The following SNTG2 variants were observed in gnomAD, a reference collection of about 807,000 sequenced individuals.
SNTG2 encodes gamma-2-syntrophin.
In SNTG2, 74 loss-of-function variants were observed where a neutral mutation model predicts 70.9. That is an observed-to-expected ratio of 1.04 (90% CI 0.86 to 1.27). The LOEUF (loss-of-function observed/expected upper bound fraction) is 1.27, where lower values mean the gene tolerates loss of function less well. Among genes scored for constraint, SNTG2 ranks in the 50% most tolerant of loss-of-function variants. The pLI is 0.00. For missense variants in SNTG2, 717 were observed against 690.7 expected, an observed-to-expected ratio of 1.04 and a Z score of -0.43; for synonymous variants, 278 against 273.8, an observed-to-expected ratio of 1.02 and a Z score of -0.15.
intron 4 of SNTG2, among the ~76,000 whole-genome samples, chr2:1,128,472 TAATG>T (rs1445756724): frequency 1.6e-4 from 25 of 152,210 alleles, no homozygotes; most frequent in African/African-American, 5.8e-4. Context: ...CTTTGCAACA[TAATG>T]AATATCTGCC....
At chr2:1,219,689 G>GGGAGGGGAGT in intron 9 of SNTG2, among the ~76,000 whole-genome samples, 1 of 150,950 alleles carries the variant, frequency 6.6e-6, no homozygotes, top group East Asian at 1.9e-4. Flanking sequence ...AGAAAGGGAA[G>GGGAGGGGAGT]GGAGGGGAGT....
intron 14 of SNTG2, among the ~76,000 whole-genome samples, chr2:1,269,842 G>A (rs1678927462): frequency 6.6e-6 from 1 of 152,172 alleles, no homozygotes; most frequent in African/African-American, 2.4e-5. Context: ...CAATGAGGGT[G>A]TTAACAAGCC....
intron 14 of SNTG2, among the ~76,000 whole-genome samples, chr2:1,304,393 G>A (rs74410063): frequency 0.011 from 1,704 of 152,240 alleles, 40 homozygotes; most frequent in African/African-American, 0.039. Flanking sequence ...TGAGTAGCAC[G>A]GCTGTGGCAT....
intron 1 of SNTG2, among the ~76,000 whole-genome samples, chr2:1,050,563 A>C (rs1661999040): frequency 6.6e-6 from 1 of 152,116 alleles, no homozygotes; most frequent in African/African-American, 2.4e-5. Context: ...GAATTGCTCT[A>C]AGTTTATAAT....
intron 1 of SNTG2, among the ~76,000 whole-genome samples, chr2:1,027,381 G>T (rs1367591057): frequency 6.6e-6 from 1 of 151,576 alleles, no homozygotes; most frequent in Non-Finnish European, 1.5e-5. Context: ...ACACTACCCA[G>T]CAAGTAACTC....
chr2:1,354,254 T>C lies in SNTG2; in HGVS notation c.1489-13089T>C. On this transcript the variant is annotated intron_variant, in intron 16 of 16. Coordinates refer to ENST00000308624, the MANE Select transcript of SNTG2 (RefSeq NM_018968.4). ...GAACGCCGGGCTGGAGCTCAGGGAC[T>C]GGGTGTTCCGTGGCAGAGCGGCTGC... 2.0e-5 allele frequency among the ~76,000 whole-genome samples: 3 copies of C among 149,446 alleles called. 1 individual carries two copies. The highest frequency in any genetic ancestry group is 3.0e-5 in the Non-Finnish European group (2 of 67,554).
intron 1 of SNTG2, among the ~76,000 whole-genome samples, chr2:1,072,343 CTTTTTCT>C (rs1663625732): frequency 1.3e-4 from 3 of 23,498 alleles, no homozygotes; most frequent in East Asian, 1.7e-3. Context: ...TTTTCTTTTT[CTTTTTCT>C]TTTTTTTTTT....
chr2:1,163,840 C>G (rs1670510502), intron 6 of SNTG2: 1 of 152,180 alleles, frequency 6.6e-6, no homozygotes, highest in Non-Finnish European at 1.5e-5. Flanking sequence ...GGAGGGAGCA[C>G]CAGTGGTGGA....
chr2:1,188,497 T>A (rs1226507796), intron 8 of SNTG2, among the ~76,000 whole-genome samples: 1 of 151,952 alleles, frequency 6.6e-6, no homozygotes, highest in Non-Finnish European at 1.5e-5. Context: ...AGAGACACAC[T>A]CAAAATAAAT....
intron 8 of SNTG2, among the ~76,000 whole-genome samples, chr2:1,176,935 G>T (rs1039456968): frequency 2.6e-5 from 4 of 152,122 alleles, no homozygotes; most frequent in Admixed American, 6.6e-5. Flanking sequence ...TTCCTCAAAG[G>T]TCTAGAACCA....
At chr2:1,167,176 T>C (rs560526017) in intron 7 of SNTG2, among the ~76,000 whole-genome samples, 59 of 147,976 alleles carry the variant, frequency 4.0e-4, no homozygotes, top group African/African-American at 1.4e-3. Flanking sequence ...CACCCACGGA[T>C]GGCAGAACTG....
In SNTG2 at chr2:1,247,371, C is replaced by T. The variant is rs1471278614; in HGVS notation, c.933C>T (p.Asp311=). 2 of 1,613,984 alleles carry T rather than the reference C, an allele frequency of 1.2e-6. No individual in the cohort carries two copies. The change falls in exon 12 of 17, where the codon GAC becomes GAT. Residue 311 remains aspartate (D), a synonymous_variant. Coordinates refer to ENST00000308624, the MANE Select transcript of SNTG2 (RefSeq NM_018968.4). ...TAAATGAGAAACTCCAAGGAGCTGA[C>T]TCCTCTCAAACCTTCAGACCCAAGT... ...GWVNEKLQGA[D]SSQTFRPKFL... is the part of the protein sequence containing the mutation.
intron 16 of SNTG2, among the ~76,000 whole-genome samples, chr2:1,320,534 C>CAA (rs35391780): frequency 6.8e-4 from 61 of 89,396 alleles, no homozygotes; most frequent in African/African-American, 2.0e-3. Context: ...GACTCCTTCT[C>CAA]AAAAAAAAAA....
intron 1 of SNTG2, among the ~76,000 whole-genome samples, chr2:965,896 C>G (rs1376807603): frequency 6.6e-6 from 1 of 152,186 alleles, no homozygotes; most frequent in Non-Finnish European, 1.5e-5. Context: ...GCCGCCTTGG[C>G]CTGGGCTGAC....
intron 6 of SNTG2, among the ~76,000 whole-genome samples, chr2:1,142,213 A>G (rs28644290): frequency 0.99 from 150,200 of 152,350 alleles, 74,072 homozygotes; most frequent in East Asian, 1. Flanking sequence ...ACTGCAATGT[A>G]TTCCCCATCT....
At chr2:1,193,031 A>C (rs989094914) in intron 8 of SNTG2, among the ~76,000 whole-genome samples, 7 of 152,130 alleles carry the variant, frequency 4.6e-5, no homozygotes, top group Non-Finnish European at 1.0e-4. Context: ...CCCCTCTATG[A>C]GGGGCTCAGG....
chr2:1,303,983 T>C (rs1680570488), intron 14 of SNTG2, among the ~76,000 whole-genome samples: 1 of 152,196 alleles, frequency 6.6e-6, no homozygotes, highest in Non-Finnish European at 1.5e-5. Flanking sequence ...CAAAATGAAA[T>C]GTTTAGTTCA....
At chr2:1,251,890 C>T (rs544656832) in intron 12 of SNTG2, among the ~76,000 whole-genome samples, 57 of 152,316 alleles carry the variant, frequency 3.7e-4, no homozygotes, top group African/African-American at 1.3e-3. Context: ...AGAGGAGGGA[C>T]TCCAGCCGGC....
chr2:1,202,755 A>G (rs931851312), intron 8 of SNTG2, among the ~76,000 whole-genome samples: 7 of 152,222 alleles, frequency 4.6e-5, no homozygotes, highest in Admixed American at 1.3e-4. Context: ...AACAATAACC[A>G]TAAAAATATC....
Sources: gnomAD v4.1 joint callset for allele counts (sites outside exome capture counted in the v4.1 genomes callset) on GRCh38, gnomAD v4.1.1 for gene constraint, MANE v1.5 for transcripts, NCBI Gene and HGNC (gene_info 2026-07-23, HGNC 2026-07-21) for gene names.